B3GNT5: variants seen among roughly 807,000 people sequenced by gnomAD.
The protein encoded by B3GNT5 is lactosylceramide 1,3-N-acetyl-beta-D-glucosaminyltransferase.
A neutral mutation model predicts 25.9 loss-of-function variants in B3GNT5; 11 were observed. That is an observed-to-expected ratio of 0.42 (90% confidence interval 0.27 to 0.70). The LOEUF is 0.70. Among genes scored for constraint, B3GNT5 ranks in the 30% least tolerant of loss-of-function variants. The pLI, the probability that B3GNT5 is intolerant of heterozygous loss-of-function variation, is 0.23. For synonymous variants in B3GNT5, 166 were observed against 158.6 expected, an observed-to-expected ratio of 1.05 and a Z score of -0.35; for missense variants, 385 against 458.4, an observed-to-expected ratio of 0.84 and a Z score of 1.46.
chr3:183,265,991 A>G (rs1235138898), intron 1 of B3GNT5: 2 of 152,212 alleles, frequency 1.3e-5, no homozygotes, highest in African/African-American at 2.4e-5. Context: ...GTTGATGTCA[A>G]TTTGGAACAG....
intron 1 of B3GNT5, chr3:183,254,734 G>A (rs917458392): frequency 2.0e-5 from 3 of 152,422 alleles, no homozygotes; most frequent in Admixed American, 1.3e-4. Flanking sequence ...GGGCTGGAAA[G>A]AAGAAACCGC....
rs1326653076 is a variant in B3GNT5, at chr3:183,270,499, G to A, written c.701G>A (p.Ser234Asn). ...HRGAPPIRDK[S>N]SKYYVSYEMY... ...GGTGCCCCTCCCATTAGAGATAAAAGCAGCAAATACTACGTGTCCTATGAA... is the reference window on the plus strand; with the variant it reads ...GGTGCCCCTCCCATTAGAGATAAAAACAGCAAATACTACGTGTCCTATGAA... Residue 234 changes from serine to asparagine, a missense_variant, in exon 2 of 2, where the codon AGC becomes AAC. By Grantham distance (46) the Ser-to-Asn change is conservative (BLOSUM62 1). Coordinates refer to ENST00000326505, the MANE Select transcript of B3GNT5 (RefSeq NM_032047.5). The surrounding 1 kb of genome is among the most constrained non-coding windows in gnomAD (Gnocchi z 4.5). The A allele has an allele frequency of 6.2e-7, 1 of 1,614,154 alleles. No homozygotes were observed. Among genetic ancestry groups the A allele is most frequent in the East Asian group, 2.2e-5 (1 of 44,888 alleles).
Position 183,271,612 on chromosome 3 carries a change from TTA to T in B3GNT5, c.*681_*682del, listed in dbSNP as rs1180629990. On this transcript the variant is annotated 3_prime_UTR_variant, in exon 2 of 2. Transcript: ENST00000326505. ...AAGTGATTAATGTTGCCCTAATACTTTATATGTTTTTAATGGATTTTTTTTTA... is the reference window on the plus strand; with the variant it reads ...AAGTGATTAATGTTGCCCTAATACTTTATGTTTTTAATGGATTTTTTTTTA... 3.0e-5 allele frequency: 5 copies of T among 167,036 alleles called. No individual in the cohort carries two copies. Among genetic ancestry groups the T allele is most frequent in the Non-Finnish European group, 7.3e-5 (5 of 68,116 alleles). 10.3% of individuals were successfully genotyped at this position (167,036 alleles called of 1,614,324 possible).
In B3GNT5 at chr3:183,270,329, T is replaced by C. The variant is rs140197372; in HGVS notation, c.531T>C (p.Ser177=). ...NLTLKLLMQF[S]WANTYCPHAK... ...CTCTGAAATTACTTATGCAGTTCAG[T>C]TGGGCAAATACCTATTGTCCACATG... is the stretch of plus-strand genomic sequence containing the variant. Residue 177 remains serine (S), a synonymous_variant, in exon 2 of 2, where the codon AGT becomes AGC. Transcript: ENST00000326505. This position sits in a 1 kb window ranked among gnomAD's most constrained non-coding sequence, Gnocchi z 4.5. 1.1e-4 allele frequency: 179 copies of C among 1,614,162 alleles called. No individual in the cohort carries two copies. Among genetic ancestry groups the C allele is most frequent in the Non-Finnish European group, 1.2e-4 (140 of 1,180,002 alleles).
At position 183,272,449 on chromosome 3, in the gene B3GNT5, C is replaced by A; in HGVS notation, c.*1514C>A. On this transcript the variant is annotated 3_prime_UTR_variant, in exon 2 of 2. Coordinates refer to ENST00000326505, the MANE Select transcript of B3GNT5 (RefSeq NM_032047.5). The stretch of plus-strand genomic sequence containing the variant: ...CGCAAAACAAAACGAAAAAAGATTT[C>A]TCAGTATACACAACTGAATGATGAT... The A allele has an allele frequency of 1.0e-6, 1 of 1,000,108 alleles. No individual in the cohort carries two copies. Among genetic ancestry groups the A allele is most frequent in the Non-Finnish European group, 1.2e-6 (1 of 829,972 alleles). The allele number at this position is 1,000,108 out of a possible 1,614,324, so 62.0% of individuals were successfully genotyped here.
rs1199129189 is a variant in B3GNT5 at position 183,272,279 on chromosome 3, G to C, written c.*1344G>C. The C allele has an allele frequency of 5.0e-6, 5 of 1,000,208 alleles. No homozygotes were observed. The highest frequency in any genetic ancestry group is 1.7e-5 in the African/African-American group (1 of 57,332). 62.0% of individuals were successfully genotyped at this position (1,000,208 alleles called of 1,614,324 possible). A position where few individuals can be genotyped will look rare whatever the true frequency, so the allele number is the denominator to read the frequency against. On this transcript the variant is annotated 3_prime_UTR_variant, in exon 2 of 2. Coordinates refer to ENST00000326505, the MANE Select transcript of B3GNT5 (RefSeq NM_032047.5). Reference sequence around the variant, plus strand: ...CTCCCTTCACTACAGAAAGAACTAGGTGGTGTCTACTGCTAGGGAGATTAT... The same window carrying C: ...CTCCCTTCACTACAGAAAGAACTAGCTGGTGTCTACTGCTAGGGAGATTAT...
Position 183,269,654 on chromosome 3 carries a change from T to C in B3GNT5, c.-145T>C. The stretch of plus-strand genomic sequence containing the variant: ...AGAAAAATGGGACTAAAAGAAACTA[T>C]TTTGTAAAATAAGAAGACTTCCATT... On this transcript the variant is annotated 5_prime_UTR_variant, in exon 2 of 2. Transcript: ENST00000326505. 3 of 729,240 alleles carry C rather than the reference T, an allele frequency of 4.1e-6. No individual in the cohort carries two copies. The highest frequency in any genetic ancestry group is 6.5e-6 in the Non-Finnish European group (3 of 463,078). The allele number at this position is 729,240 out of a possible 1,614,324, so 45.2% of individuals were successfully genotyped here. A position where few individuals can be genotyped will look rare whatever the true frequency, so the allele number is the denominator to read the frequency against.
At chr3:183,266,816 T>C (rs1463257207) in intron 1 of B3GNT5, among the ~76,000 whole-genome samples, 1 of 150,666 alleles carries the variant, frequency 6.6e-6, no homozygotes, top group African/African-American at 2.5e-5. Flanking sequence ...AGATGGAATC[T>C]CATTCTGTCA....
intron 1 of B3GNT5, among the ~76,000 whole-genome samples, chr3:183,262,069 T>TTATA (rs377071477): frequency 1.4e-5 from 2 of 147,254 alleles, no homozygotes; most frequent in Non-Finnish European, 3.0e-5. Context: ...TGCATATATA[T>TTATA]TATATATATA....
At chr3:183,260,167 C>T (rs992375805) in intron 1 of B3GNT5, among the ~76,000 whole-genome samples, 4 of 152,096 alleles carry the variant, frequency 2.6e-5, no homozygotes, top group South Asian at 2.1e-4. Context: ...ATGGTTAACT[C>T]GGTATCTCGA....
chr3:183,272,594 A>C lies in B3GNT5; in HGVS notation c.*1659A>C. On this transcript the variant is annotated 3_prime_UTR_variant, in exon 2 of 2. Transcript: ENST00000326505. ...ATTTAGAATTTTTAACTAATGTCAA[A>C]ACTACAGTGTCAAACATTCTAGGTT... 1 of 996,200 alleles carries C rather than the reference A, an allele frequency of 1.0e-6. No homozygotes were observed. Among genetic ancestry groups the C allele is most frequent in the Non-Finnish European group, 1.2e-6 (1 of 826,322 alleles). 61.7% of individuals were successfully genotyped at this position (996,200 alleles called of 1,614,324 possible). A position where few individuals can be genotyped will look rare whatever the true frequency, so the allele number is the denominator to read the frequency against.
rs1243892112 is a variant in B3GNT5, at chr3:183,272,014, A to T, written c.*1079A>T. ...TTAAATTGAGAGCATTAAACATCAA[A>T]GTTATAATATCTAAAACAATTTATT... On this transcript the variant is annotated 3_prime_UTR_variant, in exon 2 of 2. Coordinates refer to ENST00000326505, the MANE Select transcript of B3GNT5 (RefSeq NM_032047.5). 3 of 429,160 alleles carry T rather than the reference A, an allele frequency of 7.0e-6. No individual in the cohort carries two copies. Among genetic ancestry groups the T allele is most frequent in the African/African-American group, 6.5e-5 (3 of 46,172 alleles). 26.6% of individuals were successfully genotyped at this position (429,160 alleles called of 1,614,324 possible). A position where few individuals can be genotyped will look rare whatever the true frequency, so the allele number is the denominator to read the frequency against.
chr3:183,270,745 A>G lies in B3GNT5; in HGVS notation c.947A>G (p.Tyr316Cys), dbSNP rs541964801. 5 of 1,613,730 alleles carry G rather than the reference A, an allele frequency of 3.1e-6. No homozygotes were observed. The highest frequency in any genetic ancestry group is 1.3e-5 in the African/African-American group (1 of 74,960). Residue 316 changes from tyrosine to cysteine, a missense_variant, in exon 2 of 2, where the codon TAT becomes TGT. By Grantham distance (194) the Tyr-to-Cys change is radical. Transcript: ENST00000326505. The surrounding 1 kb of genome is among the most constrained non-coding windows in gnomAD (Gnocchi z 4.5). ...EGKTPYHPCI[Y>C]EKMMTSHGHL... is the part of the protein sequence containing the mutation. ...AAAACTCCTTATCATCCCTGCATCT[A>G]TGAAAAAATGATGACATCTCATGGA... is the stretch of plus-strand genomic sequence containing the variant.
intron 1 of B3GNT5, among the ~76,000 whole-genome samples, chr3:183,255,053 G>A (rs565864251): frequency 2.0e-5 from 3 of 152,350 alleles, no homozygotes; most frequent in African/African-American, 7.2e-5. Context: ...CACAGTGGCC[G>A]ATGGTGGCCT....
Position 183,272,532 on chromosome 3 carries a change from ATT to A in B3GNT5, c.*1600_*1601del, listed in dbSNP as rs1438501210. The stretch of plus-strand genomic sequence containing the variant: ...TTTACAGAAATTTTAATTTTTTTCT[ATT>A]TTGAAATTTGAGGCTTGTTTACATT... On this transcript the variant is annotated 3_prime_UTR_variant, in exon 2 of 2. Transcript: ENST00000326505. 2.0e-6 allele frequency: 2 copies of A among 993,856 alleles called. No individual in the cohort carries two copies. Among genetic ancestry groups the A allele is most frequent in the Non-Finnish European group, 2.4e-6 (2 of 824,576 alleles). 61.6% of individuals were successfully genotyped at this position (993,856 alleles called of 1,614,324 possible).
intron 1 of B3GNT5, among the ~76,000 whole-genome samples, chr3:183,261,974 A>G (rs909775189): frequency 2.1e-5 from 3 of 145,788 alleles, no homozygotes; most frequent in Non-Finnish European, 4.5e-5. Context: ...AAAAAAAAAA[A>G]AAAGAATAGA....
At chr3:183,259,740 A>G (rs960592659) in intron 1 of B3GNT5, among the ~76,000 whole-genome samples, 1 of 152,006 alleles carries the variant, frequency 6.6e-6, no homozygotes, top group Non-Finnish European at 1.5e-5. Context: ...TTGGATCTCC[A>G]TCCTTGGAGT....
chr3:183,266,146 C>T (rs575334910), intron 1 of B3GNT5: 1 of 152,330 alleles, frequency 6.6e-6, no homozygotes, highest in Non-Finnish European at 1.5e-5. Context: ...GCCTGATTCA[C>T]TGGAGAGATA....
chr3:183,264,771 G>C (rs960763626), intron 1 of B3GNT5, among the ~76,000 whole-genome samples: 7 of 152,216 alleles, frequency 4.6e-5, no homozygotes, highest in African/African-American at 1.7e-4. Flanking sequence ...AGGGAAACTT[G>C]TAGCCTTTGG....
Sources: gnomAD v4.1 joint callset for allele counts (sites outside exome capture counted in the v4.1 genomes callset) on GRCh38, gnomAD v4.1.1 for gene constraint, Gnocchi (gnomAD v3.1) non-coding constraint, MANE v1.5 for transcripts, NCBI Gene and HGNC (gene_info 2026-07-23, HGNC 2026-07-21) for gene names.